GABRA3: variants seen among roughly 807,000 people sequenced by gnomAD.
GABRA3 encodes the protein gamma-aminobutyric acid type A receptor subunit alpha3, also known as gamma-aminobutyric acid receptor subunit alpha-3.
GABRA3 carries 10 observed loss-of-function variants against 30.1 expected under a neutral mutation model. That is an observed-to-expected ratio of 0.33 (90% CI 0.20 to 0.56). The LOEUF (loss-of-function observed/expected upper bound fraction) is 0.56, where lower values mean the gene tolerates loss of function less well. GABRA3 is among the 20% of genes least tolerant of loss of function. GABRA3 has a pLI of 0.89. For synonymous variants in GABRA3, 151 were observed against 146.8 expected (o/e 1.03, Z -0.21); for missense variants, 233 against 392.0 (o/e 0.59, Z 3.42).
chrX:152,175,504 G>A (rs779912573), intron 9 of GABRA3, among the ~76,000 whole-genome samples: 1 of 111,640 alleles, frequency 9.0e-6, no homozygotes, highest in African/African-American at 3.3e-5. Context: ...CATCCCAGTT[G>A]GGGGGACATG....
intron 3 of GABRA3, among the ~76,000 whole-genome samples, chrX:152,286,767 G>A (rs1190668630): frequency 8.9e-6 from 1 of 111,765 alleles, no homozygotes. Context: ...ATTTTGAGAA[G>A]AGACTATGAG....
chrX:152,385,425 T>C (rs1370641193), intron 1 of GABRA3, among the ~76,000 whole-genome samples: 5 of 111,828 alleles, frequency 4.5e-5, no homozygotes, highest in African/African-American at 1.6e-4. Context: ...CATACCACAA[T>C]GAAACAGAAT....
chrX:152,348,231 G>C (rs1027297422), intron 2 of GABRA3, among the ~76,000 whole-genome samples: 1 of 110,767 alleles, frequency 9.0e-6, no homozygotes, highest in Non-Finnish European at 1.9e-5. Context: ...GGGGAAAAAA[G>C]GAATCATGGC....
intron 1 of GABRA3, among the ~76,000 whole-genome samples, chrX:152,420,005 C>T (rs1930333869): frequency 9.0e-6 from 1 of 110,783 alleles, no homozygotes. Context: ...ATCATATTAA[C>T]AGAATAAAGG....
At chrX:152,322,167 C>T (rs908850463) in intron 3 of GABRA3, among the ~76,000 whole-genome samples, 2 of 112,149 alleles carry the variant, frequency 1.8e-5, no homozygotes, top group Admixed American at 1.9e-4. Context: ...AAAAGAATGA[C>T]ATACTGATAC....
At chrX:152,299,873 C>T (rs1198487114) in intron 3 of GABRA3, among the ~76,000 whole-genome samples, 1 of 111,749 alleles carries the variant, frequency 8.9e-6, no homozygotes, top group Non-Finnish European at 1.9e-5. Context: ...TACAGGTTTG[C>T]TCCAAAGGCA....
intron 3 of GABRA3, among the ~76,000 whole-genome samples, chrX:152,296,683 C>A (rs1187299207): frequency 9.1e-6 from 1 of 109,529 alleles, no homozygotes; most frequent in Admixed American, 9.8e-5. Context: ...TGATAATCAG[C>A]TGCTTTTCCT....
chrX:152,333,567 AATGTGTAAAAC>A (rs1439690508), intron 3 of GABRA3, among the ~76,000 whole-genome samples: 1 of 112,011 alleles, frequency 8.9e-6, no homozygotes. Flanking sequence ...ATACAAGGGC[AATGTGTAAAAC>A]CAATCATATC....
intron 1 of GABRA3, among the ~76,000 whole-genome samples, chrX:152,417,458 T>G (rs1602718707): frequency 1.8e-5 from 2 of 109,470 alleles, no homozygotes; most frequent in African/African-American, 3.3e-5. Flanking sequence ...ACTGTGGAAG[T>G]CAGTGTGGCG....
At chrX:152,251,616 C>T (rs943180628) in intron 5 of GABRA3, among the ~76,000 whole-genome samples, 2 of 110,065 alleles carry the variant, frequency 1.8e-5, no homozygotes, top group Non-Finnish European at 3.8e-5. Context: ...CCATCCACAT[C>T]TCCTCCTCAT....
intron 5 of GABRA3, among the ~76,000 whole-genome samples, chrX:152,249,603 A>G (rs1938517654): frequency 9.1e-6 from 1 of 110,018 alleles, no homozygotes; most frequent in African/African-American, 3.3e-5. Flanking sequence ...AATTTGTTTG[A>G]TTTCTTCCTC....
chrX:152,284,411 A>G (rs975102648), intron 4 of GABRA3, among the ~76,000 whole-genome samples: 1 of 111,369 alleles, frequency 9.0e-6, no homozygotes, highest in Non-Finnish European at 1.9e-5. Context: ...ATAGGGAACC[A>G]AACAAACTTT....
chrX:152,377,071 T>C (rs1929018649), intron 1 of GABRA3, among the ~76,000 whole-genome samples: 1 of 111,999 alleles, frequency 8.9e-6, no homozygotes, highest in Non-Finnish European at 1.9e-5. Flanking sequence ...ATACAACACA[T>C]GTTTCATCTT....
chrX:152,168,165 G>C lies in GABRA3; in HGVS notation c.*63C>G. On this transcript the variant is annotated 3_prime_UTR_variant, in exon 10 of 10. Coordinates refer to ENST00000370314, the MANE Select transcript of GABRA3 (RefSeq NM_000808.4). The stretch of plus-strand genomic sequence containing the variant: ...GAAATACGCGAAGGGGAGCCCCGGG[G>C]TTTGGGTGCCTGGATGCTTCACGGG... 1.0e-6 allele frequency: 1 copy of C among 975,321 alleles called. No individual in the cohort carries two copies. The highest frequency in any genetic ancestry group is 3.1e-5 in the East Asian group (1 of 32,455). 80.4% of individuals were successfully genotyped at this position (975,321 alleles called of 1,213,427 possible). A position where few individuals can be genotyped will look rare whatever the true frequency, so the allele number is the denominator to read the frequency against.
intron 1 of GABRA3, among the ~76,000 whole-genome samples, chrX:152,438,085 T>C (rs898256541): frequency 4.5e-5 from 5 of 111,909 alleles, no homozygotes; most frequent in African/African-American, 1.6e-4. Flanking sequence ...AGAACTTATA[T>C]TGAAAATATA....
intron 6 of GABRA3, 104 bp downstream of exon 6, chrX:152,224,659 G>C (rs903698006): frequency 3.7e-6 from 2 of 540,905 alleles, no homozygotes; most frequent in East Asian, 3.5e-5. Context: ...CGGATTAAAG[G>C]CCTCAGCTTT....
chrX:152,258,180 A>G (rs1416450412), intron 4 of GABRA3, among the ~76,000 whole-genome samples: 1 of 112,287 alleles, frequency 8.9e-6, no homozygotes, highest in African/African-American at 3.2e-5. Context: ...AATTAAAATT[A>G]TAAAGGTTAT....
intron 9 of GABRA3, among the ~76,000 whole-genome samples, chrX:152,175,043 T>G (rs768268352): frequency 1.8e-5 from 2 of 112,082 alleles, no homozygotes; most frequent in East Asian, 5.6e-4. Context: ...ATTTATTAAA[T>G]AGGGAATCCT....
At chrX:152,238,353 A>G (rs1938275069) in intron 5 of GABRA3, among the ~76,000 whole-genome samples, 1 of 99,816 alleles carries the variant, frequency 1.0e-5, no homozygotes, top group African/African-American at 3.9e-5. Flanking sequence ...CCACTTGATC[A>G]TGGTGGATAA....
Sources: allele counts gnomAD v4.1 joint callset (sites outside exome capture counted in the v4.1 genomes callset), GRCh38; gene constraint gnomAD v4.1.1; transcripts MANE v1.5; gene names NCBI Gene and HGNC (gene_info 2026-07-23, HGNC 2026-07-21).